ARIH2: variants seen among roughly 807,000 people sequenced by gnomAD.
ARIH2 encodes E3 ubiquitin-protein ligase ARIH2.
A neutral mutation model predicts 79.8 loss-of-function variants in ARIH2; 12 were observed. That is an observed-to-expected ratio of 0.15 (90% CI 0.10 to 0.24). The LOEUF is 0.24. Ranked by LOEUF, ARIH2 falls within the 10% of genes least tolerant of loss-of-function variation. The pLI is 1.00. For missense variants in ARIH2, 301 were observed against 618.3 expected, an observed-to-expected ratio of 0.49 and a Z score of 5.44; for synonymous variants, 224 against 213.9, an observed-to-expected ratio of 1.05 and a Z score of -0.41.
chr3:48,934,773 C>T, intron 3 of ARIH2: 1 of 985,356 alleles, frequency 1.0e-6, no homozygotes, highest in Non-Finnish European at 1.2e-6. Flanking sequence ...CCTTGTCTTG[C>T]CAGCTTAGAA....
intron 3 of ARIH2, among the ~76,000 whole-genome samples, chr3:48,947,356 G>A (rs1576311801): frequency 6.6e-6 from 1 of 150,434 alleles, no homozygotes; most frequent in African/African-American, 2.4e-5. Context: ...CAGGAGAATC[G>A]CTTGAACCTG....
At chr3:48,951,084 TC>T (rs1473160490) in intron 3 of ARIH2, among the ~76,000 whole-genome samples, 1 of 151,758 alleles carries the variant, frequency 6.6e-6, no homozygotes, top group Admixed American at 6.6e-5. Flanking sequence ...TACCTCAGCC[TC>T]CCAGGTAGAT....
chr3:48,967,094 CTT>C, intron 5 of ARIH2, 29 bp from the exon 6 acceptor site: 3 of 1,609,278 alleles, frequency 1.9e-6, no homozygotes, highest in Non-Finnish European at 2.5e-6. Context: ...CCTGACTCCT[CTT>C]TGGCTCATGT....
At position 48,919,173 on chromosome 3, in the gene ARIH2, C is replaced by T. The variant is rs1422219766; in HGVS notation, c.-162+175C>T. 8 of 1,300,022 alleles carry T rather than the reference C, an allele frequency of 6.2e-6. No homozygotes were observed. The African/African-American group carries it at 9.1e-5, about 15-fold the overall frequency. The allele number at this position is 1,300,022 out of a possible 1,614,324, so 80.5% of individuals were successfully genotyped here. On this transcript the variant is annotated intron_variant, in intron 1 of 15. Coordinates refer to ENST00000356401, the MANE Select transcript of ARIH2 (RefSeq NM_006321.4). ...ATTACCCGCCGTCAGCGGCCGGGCG[C>T]CCAGCGTGTGTCTGCCTTTTTTCCT...
rs187175854 is a variant in ARIH2, at chr3:48,972,758, C to T, written c.771-941C>T. Reference sequence around the variant, plus strand: ...AAACAGGGTCTCTCTCAGTTGTCCACGTTGCAGTACAGTGATGCGAACACA... The same window carrying T: ...AAACAGGGTCTCTCTCAGTTGTCCATGTTGCAGTACAGTGATGCGAACACA... On this transcript the variant is annotated intron_variant, in intron 8 of 15. Transcript: ENST00000356401. 4.9e-4 allele frequency among the ~76,000 whole-genome samples: 74 copies of T among 152,184 alleles called. 1 individual carries two copies. Among genetic ancestry groups the T allele is most frequent in the Admixed American group, 3.7e-3 (56 of 15,286 alleles).
intron 7 of ARIH2, among the ~76,000 whole-genome samples, chr3:48,969,953 C>G (rs552132973): frequency 6.6e-6 from 1 of 150,590 alleles, no homozygotes; most frequent in Non-Finnish European, 1.5e-5. Context: ...TACAGGGACA[C>G]GATCTCAGCT....
chr3:48,943,031 G>T (rs1402217296), intron 3 of ARIH2, among the ~76,000 whole-genome samples: 2 of 151,568 alleles, frequency 1.3e-5, no homozygotes, highest in Admixed American at 1.3e-4. Flanking sequence ...CACCTGCCTC[G>T]GCCTCCCAAA....
chr3:48,982,720 C>G (rs2092794695), intron 14 of ARIH2, 176 bp from the exon 15 acceptor site: 1 of 587,774 alleles, frequency 1.7e-6, no homozygotes, highest in African/African-American at 1.9e-5. Context: ...GTTTGGATAG[C>G]CTTTTGTTTG....
intron 11 of ARIH2, among the ~76,000 whole-genome samples, chr3:48,977,602 C>T (rs954865698): frequency 6.6e-6 from 1 of 152,138 alleles, no homozygotes; most frequent in Admixed American, 6.5e-5. Flanking sequence ...AGATTACAGG[C>T]GTCCGCCACT....
At chr3:48,977,951 A>C (rs1203766606) in intron 11 of ARIH2, among the ~76,000 whole-genome samples, 3 of 152,202 alleles carry the variant, frequency 2.0e-5, no homozygotes, top group East Asian at 3.9e-4. Context: ...ATCCCTGGAG[A>C]GTGAATCCTG....
intron 3 of ARIH2, among the ~76,000 whole-genome samples, chr3:48,944,337 CATT>C (rs2088805186): frequency 6.6e-6 from 1 of 151,950 alleles, no homozygotes; most frequent in Non-Finnish European, 1.5e-5. Flanking sequence ...AGTATTTTTA[CATT>C]ATTATATTTT....
intron 3 of ARIH2, among the ~76,000 whole-genome samples, chr3:48,947,492 C>T (rs973455425): frequency 1.3e-5 from 2 of 150,138 alleles, no homozygotes; most frequent in African/African-American, 2.4e-5. Flanking sequence ...GTAAAGTTAT[C>T]AGCATTATAG....
intron 3 of ARIH2, among the ~76,000 whole-genome samples, chr3:48,945,436 A>G (rs2088983110): frequency 6.6e-6 from 1 of 152,234 alleles, no homozygotes; most frequent in Non-Finnish European, 1.5e-5. Context: ...TCTGTGCACT[A>G]TTTTGAGTAA....
intron 7 of ARIH2, 109 bp downstream of exon 7, chr3:48,968,764 C>A: frequency 6.9e-7 from 1 of 1,443,436 alleles, no homozygotes; most frequent in African/African-American, 1.4e-5. Context: ...TGATAGTGTT[C>A]AAAGAAAGCG....
rs1192304809 is a variant in ARIH2, at chr3:48,919,352, C to T, written c.-162+354C>T. Reference sequence around the variant, plus strand: ...GAGTCATCTTTGGGAGCTCTCGCAGCGCTGCCCGCGCGGTTTAACGCCCGC... The same window carrying T: ...GAGTCATCTTTGGGAGCTCTCGCAGTGCTGCCCGCGCGGTTTAACGCCCGC... On this transcript the variant is annotated intron_variant, in intron 1 of 15. Transcript: ENST00000356401. 4 of 614,176 alleles carry T rather than the reference C, an allele frequency of 6.5e-6. No homozygotes were observed. In the Admixed American group the frequency reaches 1.3e-4, roughly 20 times the overall value. The allele number at this position is 614,176 out of a possible 1,614,324, so 38.0% of individuals were successfully genotyped here. A position where few individuals can be genotyped will look rare whatever the true frequency, so the allele number is the denominator to read the frequency against.
In ARIH2 at chr3:48,980,922, G is replaced by T. The variant is rs376187341; in HGVS notation, c.1257+426G>T. On this transcript the variant is annotated intron_variant, in intron 13 of 15. Coordinates refer to ENST00000356401, the MANE Select transcript of ARIH2 (RefSeq NM_006321.4). The stretch of plus-strand genomic sequence containing the variant: ...TGTAGTTCCAGCTACTTGGGAGGCT[G>T]AGGCACGAGAATTGCTTGAACCTGG... 2.0e-5 allele frequency among the ~76,000 whole-genome samples: 3 copies of T among 147,590 alleles called. No individual in the cohort carries two copies. The East Asian group carries it at 6.1e-4, about 30-fold the overall frequency.
intron 3 of ARIH2, chr3:48,949,092 A>C (rs533177820): frequency 2.2e-6 from 1 of 452,756 alleles, no homozygotes; most frequent in African/African-American, 2.0e-5. Context: ...TTGCTGGGTC[A>C]CATGGTAAGT....
Position 48,986,176 on chromosome 3 carries a change from C to T in ARIH2, c.*2906C>T, listed in dbSNP as rs1324394112. ...GGCTAGAAGAGGCCTCATACATTGCCAGTCTGAACTCCGCAGCTCTTCCTC... is the reference window on the plus strand; with the variant it reads ...GGCTAGAAGAGGCCTCATACATTGCTAGTCTGAACTCCGCAGCTCTTCCTC... On this transcript the variant is annotated 3_prime_UTR_variant, in exon 16 of 16. Transcript: ENST00000356401. 1 of 152,176 alleles carries T rather than the reference C, an allele frequency of 6.6e-6. No homozygotes were observed. Among genetic ancestry groups the T allele is most frequent in the Admixed American group, 6.5e-5 (1 of 15,270 alleles). 9.4% of individuals were successfully genotyped at this position (152,176 alleles called of 1,614,324 possible). A position where few individuals can be genotyped will look rare whatever the true frequency, so the allele number is the denominator to read the frequency against.
intron 3 of ARIH2, among the ~76,000 whole-genome samples, chr3:48,936,501 A>G (rs2087137002): frequency 6.6e-6 from 1 of 152,242 alleles, no homozygotes; most frequent in African/African-American, 2.4e-5. Flanking sequence ...TGGGAGGCCA[A>G]GGCAGGCGGA....
Sources: allele counts gnomAD v4.1 joint callset (sites outside exome capture counted in the v4.1 genomes callset), GRCh38; gene constraint gnomAD v4.1.1; transcripts MANE v1.5; gene names NCBI Gene and HGNC (gene_info 2026-07-23, HGNC 2026-07-21).